The following SKAP2 variants were observed in gnomAD, a reference collection of about 807,000 sequenced individuals.
The protein encoded by SKAP2 is src kinase-associated phosphoprotein 2.
SKAP2 carries 28 observed loss-of-function variants against 54.9 expected under a neutral mutation model. That is an observed-to-expected ratio of 0.51 (90% confidence interval 0.38 to 0.70). SKAP2 has a LOEUF of 0.70. Ranked by LOEUF, SKAP2 falls within the 30% of genes least tolerant of loss-of-function variation. SKAP2 has a pLI of 0.00. For synonymous variants in SKAP2, 137 were observed against 134.3 expected, an observed-to-expected ratio of 1.02 and a Z score of -0.14; for missense variants, 356 against 424.1, an observed-to-expected ratio of 0.84 and a Z score of 1.41.
At chr7:26,704,813 G>T (rs77427852) in intron 9 of SKAP2, among the ~76,000 whole-genome samples, 1,811 of 152,220 alleles carry the variant, frequency 0.012, 37 homozygotes, top group African/African-American at 0.041. Context: ...TTCAAAGTAC[G>T]TAAGAATAAA....
chr7:26,775,189 G>A (rs893907377), intron 4 of SKAP2, among the ~76,000 whole-genome samples: 4 of 152,030 alleles, frequency 2.6e-5, no homozygotes, highest in Non-Finnish European at 4.4e-5. Flanking sequence ...CTGATTCAGA[G>A]AAAGTTCTTT....
chr7:26,862,880 A>G (rs891957011), intron 1 of SKAP2, among the ~76,000 whole-genome samples: 2 of 152,112 alleles, frequency 1.3e-5, no homozygotes, highest in East Asian at 3.8e-4. Context: ...GGTTTCATCT[A>G]TTTTTGGAAT....
Position 26,852,853 on chromosome 7 carries a change from G to C in SKAP2, c.199+1284C>G, listed in dbSNP as rs1030574168. Reference sequence around the variant, plus strand: ...ACTGGAAATAATATGCCTTTTAAGAGAGGCAGAATCTGATATCTAATATTC... The same window carrying C: ...ACTGGAAATAATATGCCTTTTAAGACAGGCAGAATCTGATATCTAATATTC... On this transcript the variant is annotated intron_variant, in intron 3 of 12. Transcript: ENST00000345317. Among the ~76,000 whole-genome samples, 5 of 152,058 alleles carry C rather than the reference G, an allele frequency of 3.3e-5. No individual in the cohort carries two copies. In the South Asian group the frequency reaches 8.3e-4, roughly 25 times the overall value.
At chr7:26,744,817 AAT>A (rs1244204386) in intron 4 of SKAP2, among the ~76,000 whole-genome samples, 1 of 152,150 alleles carries the variant, frequency 6.6e-6, no homozygotes, top group Non-Finnish European at 1.5e-5. Context: ...TTTCTAAGAC[AAT>A]ATAAGACATC....
intron 4 of SKAP2, among the ~76,000 whole-genome samples, chr7:26,759,784 T>C (rs919087996): frequency 1.3e-4 from 20 of 152,210 alleles, no homozygotes; most frequent in African/African-American, 4.6e-4. Context: ...TTTCCTGTTA[T>C]CCCCATCTTT....
chr7:26,711,038 G>A (rs1352881186), intron 9 of SKAP2, among the ~76,000 whole-genome samples: 1 of 152,092 alleles, frequency 6.6e-6, no homozygotes, highest in Non-Finnish European at 1.5e-5. Flanking sequence ...AATTTCAAGG[G>A]TATTTTGTTT....
intron 3 of SKAP2, among the ~76,000 whole-genome samples, chr7:26,849,642 G>A (rs964630328): frequency 7.0e-6 from 1 of 143,000 alleles, no homozygotes; most frequent in East Asian, 2.1e-4. Context: ...CAGAGACCAC[G>A]CCACTGCACT....
intron 4 of SKAP2, among the ~76,000 whole-genome samples, chr7:26,743,607 G>A (rs1243264134): frequency 5.9e-5 from 9 of 152,128 alleles, no homozygotes; most frequent in Admixed American, 5.2e-4. Flanking sequence ...TTCAGTGCCC[G>A]AAAAAGTAAG....
At chr7:26,781,050 T>C (rs1395628811) in intron 4 of SKAP2, among the ~76,000 whole-genome samples, 1 of 152,198 alleles carries the variant, frequency 6.6e-6, no homozygotes, top group Non-Finnish European at 1.5e-5. Flanking sequence ...GTTTATTTTA[T>C]AAGATAACTA....
chr7:26,751,659 C>T (rs1050136395), intron 4 of SKAP2, among the ~76,000 whole-genome samples: 5 of 152,152 alleles, frequency 3.3e-5, no homozygotes, highest in African/African-American at 1.2e-4. Flanking sequence ...CTCTTACAGA[C>T]ACACACACCA....
intron 4 of SKAP2, among the ~76,000 whole-genome samples, chr7:26,824,147 T>C (rs1784442303): frequency 1.3e-5 from 2 of 152,258 alleles, no homozygotes; most frequent in South Asian, 4.1e-4. Context: ...TTTAAGAAAC[T>C]GCCACAGCCC....
Position 26,722,689 on chromosome 7 carries a change from G to A in SKAP2, c.796+2739C>T, listed in dbSNP as rs201582456. Among the ~76,000 whole-genome samples, 8 of 152,156 alleles carry A rather than the reference G, an allele frequency of 5.3e-5. No individual in the cohort carries two copies. The East Asian group carries it at 9.6e-4, about 18-fold the overall frequency. The stretch of plus-strand genomic sequence containing the variant: ...CTCCCAAAGTGCTAGGATTACAGGC[G>A]TGAGCCACTGCGCCCAGCCCATTGC... On this transcript the variant is annotated intron_variant, in intron 9 of 12. Transcript: ENST00000345317.
At chr7:26,825,434 T>C (rs1331852029) in intron 4 of SKAP2, among the ~76,000 whole-genome samples, 1 of 152,146 alleles carries the variant, frequency 6.6e-6, no homozygotes, top group East Asian at 1.9e-4. Flanking sequence ...AAAAATCTAA[T>C]TTTTGTTTAG....
intron 5 of SKAP2, among the ~76,000 whole-genome samples, chr7:26,739,608 T>C (rs569520964): frequency 2.6e-5 from 4 of 152,358 alleles, no homozygotes; most frequent in African/African-American, 7.2e-5. Flanking sequence ...AATACAGTCA[T>C]GGCCTGCAGC....
chr7:26,779,089 A>G (rs1343034089), intron 4 of SKAP2, among the ~76,000 whole-genome samples: 1 of 152,038 alleles, frequency 6.6e-6, no homozygotes, highest in East Asian at 1.9e-4. Context: ...TTTTCATAAA[A>G]CAGTAATAAC....
At chr7:26,747,347 A>G (rs1782579681) in intron 4 of SKAP2, among the ~76,000 whole-genome samples, 1 of 152,144 alleles carries the variant, frequency 6.6e-6, no homozygotes, top group Non-Finnish European at 1.5e-5. Flanking sequence ...TAGAATTCTC[A>G]GGAGGGTTAT....
chr7:26,720,884 T>C (rs1028949950), intron 9 of SKAP2, among the ~76,000 whole-genome samples: 3 of 152,116 alleles, frequency 2.0e-5, no homozygotes, highest in Admixed American at 6.5e-5. Flanking sequence ...GGTACTACAA[T>C]TCAAGATGAA....
At chr7:26,790,140 A>G (rs3801844) in intron 4 of SKAP2, among the ~76,000 whole-genome samples, 32,609 of 152,082 alleles carry the variant, frequency 0.21, 3,587 homozygotes, top group Non-Finnish European at 0.24. Flanking sequence ...CACCTTTATG[A>G]GCTGAATTAT....
chr7:26,727,065 T>G, intron 6 of SKAP2, 59 bp from the exon 7 acceptor site: 1 of 1,356,972 alleles, frequency 7.4e-7, no homozygotes, highest in Admixed American at 2.6e-5. Context: ...TCAATTATCT[T>G]TTATGTAAAA....
Sources: gnomAD v4.1 joint callset for allele counts (sites outside exome capture counted in the v4.1 genomes callset) on GRCh38, gnomAD v4.1.1 for gene constraint, MANE v1.5 for transcripts, NCBI Gene and HGNC (gene_info 2026-07-23, HGNC 2026-07-21) for gene names.